Variants in DNAH6 observed in about 807,000 individuals in gnomAD.
DNAH6 encodes the protein axonemal beta dynein heavy chain 6.
A neutral mutation model predicts 491.4 loss-of-function variants in DNAH6; 340 were observed. The observed-to-expected ratio is 0.69, with a 90% confidence interval of 0.63 to 0.76. The LOEUF is 0.76. Among genes scored for constraint, DNAH6 ranks in the 30% least tolerant of loss-of-function variants. The probability of loss-of-function intolerance (pLI) is 0.00; values close to 1 mark genes in which losing one functional copy is unlikely to be tolerated. For synonymous variants in DNAH6, 1,603 were observed against 1,686.1 expected (o/e 0.95, Z 1.21); for missense variants, 4,443 against 4,972.2 (o/e 0.89, Z 3.20).
intron 9 of DNAH6, 71 bp from the exon 10 acceptor site, chr2:84,552,847 C>T: frequency 1.3e-6 from 1 of 772,582 alleles, no homozygotes; most frequent in Non-Finnish European, 2.0e-6. Flanking sequence ...TTTACATGTC[C>T]CTTGTTTTTT....
At chr2:84,636,100 G>A (rs894982297) in intron 30 of DNAH6, among the ~76,000 whole-genome samples, 2 of 151,914 alleles carry the variant, frequency 1.3e-5, no homozygotes, top group Non-Finnish European at 2.9e-5. Context: ...TTCCTTACTG[G>A]TCTCCCTGTC....
chr2:84,793,159 C>A (rs977945877), intron 68 of DNAH6, among the ~76,000 whole-genome samples: 1 of 152,094 alleles, frequency 6.6e-6, no homozygotes, highest in Non-Finnish European at 1.5e-5. Context: ...TGGGGCCAGA[C>A]CAGGCAGTGG....
chr2:84,693,945 C>T (rs531333562), intron 45 of DNAH6, among the ~76,000 whole-genome samples: 2 of 152,238 alleles, frequency 1.3e-5, no homozygotes, highest in East Asian at 1.9e-4. Context: ...TGGCCTAGAT[C>T]GGCTAGGGTC....
chr2:84,755,193 G>A (rs1228481269), intron 63 of DNAH6, among the ~76,000 whole-genome samples: 1 of 152,204 alleles, frequency 6.6e-6, no homozygotes, highest in East Asian at 1.9e-4. Flanking sequence ...TAATGTCATT[G>A]TCATATGAGT....
chr2:84,470,864 G>A, the DNAH6 span, among the ~76,000 whole-genome samples: 3 of 152,124 alleles, frequency 2.0e-5, no homozygotes, highest in Non-Finnish European at 4.4e-5. Context: ...GGACCAGGGG[G>A]CCATCGCAAT....
Position 84,704,132 on chromosome 2 carries a change from A to G in DNAH6, c.8295A>G (p.Ile2765Met). 6.4e-7 allele frequency: 1 copy of G among 1,551,908 alleles called. No individual in the cohort carries two copies. Among genetic ancestry groups the G allele is most frequent in the Non-Finnish European group, 8.7e-7 (1 of 1,147,032 alleles). Residue 2765 changes from isoleucine to methionine, a missense_variant, in exon 51 of 77, where the codon ATA (isoleucine) becomes ATG (methionine). By Grantham distance (10) the Ile-to-Met change is conservative. Around this residue, in one of 3 missense-constraint regions of DNAH6, gnomAD observed 3 missense variants for 19.0 expected, o/e 0.16. Transcript: ENST00000389394. Reference sequence around the variant, plus strand: ...TCAAAGCTGAAGAAACCCAAGCAATAGCTGATGATGCTCAAAGAGATCTTG... The same window carrying G: ...TCAAAGCTGAAGAAACCCAAGCAATGGCTGATGATGCTCAAAGAGATCTTG... Reference protein sequence around the residue: ...AKVKAEETQAIADDAQRDLDE... With the variant: ...AKVKAEETQAMADDAQRDLDE...
At chr2:84,745,753 A>G (rs1185958471) in intron 63 of DNAH6, among the ~76,000 whole-genome samples, 1 of 151,862 alleles carries the variant, frequency 6.6e-6, no homozygotes, top group Non-Finnish European at 1.5e-5. Context: ...AGAGCCAGCC[A>G]GGGCCATGGT....
At chr2:84,598,127 T>TTTCC (rs1196472640) in intron 18 of DNAH6, among the ~76,000 whole-genome samples, 2 of 109,314 alleles carry the variant, frequency 1.8e-5, no homozygotes, top group Admixed American at 1.0e-4. Context: ...TCTATCTTTC[T>TTTCC]TTTCTTTCTT....
At chr2:84,617,708 A>G (rs972937580) in intron 23 of DNAH6, among the ~76,000 whole-genome samples, 6 of 151,956 alleles carry the variant, frequency 3.9e-5, no homozygotes, top group East Asian at 3.9e-4. Flanking sequence ...GTGTGTGTGT[A>G]TATGTGCACA....
chr2:84,750,035 A>G (rs1673314917), intron 63 of DNAH6, among the ~76,000 whole-genome samples: 1 of 152,190 alleles, frequency 6.6e-6, no homozygotes, highest in South Asian at 2.1e-4. Context: ...AATATACACA[A>G]TAACATACCA....
At chr2:84,613,320 A>G (rs190162651) in intron 22 of DNAH6, among the ~76,000 whole-genome samples, 141 of 152,278 alleles carry the variant, frequency 9.3e-4, no homozygotes, top group Non-Finnish European at 1.3e-3. Flanking sequence ...CACATGCCCA[A>G]TTGTTTGCAA....
At chr2:84,706,196 A>G (rs1291435815) in intron 52 of DNAH6, among the ~76,000 whole-genome samples, 4 of 152,212 alleles carry the variant, frequency 2.6e-5, no homozygotes, top group Admixed American at 2.6e-4. Context: ...GTGGCTATAG[A>G]GCAGGGGTTG....
chr2:84,678,196 C>T (rs1693443713), intron 41 of DNAH6, among the ~76,000 whole-genome samples: 1 of 152,026 alleles, frequency 6.6e-6, no homozygotes, highest in Non-Finnish European at 1.5e-5. Flanking sequence ...GGAGCTAATG[C>T]CAAAATGGTA....
At chr2:84,562,868 G>A (rs1481082353) in intron 11 of DNAH6, among the ~76,000 whole-genome samples, 1 of 152,090 alleles carries the variant, frequency 6.6e-6, no homozygotes, top group Non-Finnish European at 1.5e-5. Flanking sequence ...ATTTTCCTTT[G>A]GGTATTGATA....
intron 62 of DNAH6, among the ~76,000 whole-genome samples, chr2:84,738,518 G>A (rs902993815): frequency 1.3e-5 from 2 of 151,968 alleles, no homozygotes; most frequent in Admixed American, 1.3e-4. Context: ...TATAAGTCTG[G>A]GTACTCCAAT....
chr2:84,531,225 G>C (rs904905016), intron 4 of DNAH6, among the ~76,000 whole-genome samples: 1 of 152,046 alleles, frequency 6.6e-6, no homozygotes, highest in Non-Finnish European at 1.5e-5. Flanking sequence ...TGAGCACAGG[G>C]GTCACTTTGA....
chr2:84,674,138 G>A (rs1573443524), intron 40 of DNAH6, among the ~76,000 whole-genome samples: 1 of 152,146 alleles, frequency 6.6e-6, no homozygotes, highest in African/African-American at 2.4e-5. Flanking sequence ...ACTATTCTAA[G>A]GATTTCCCAC....
the DNAH6 span, among the ~76,000 whole-genome samples, chr2:84,468,630 A>T: frequency 6.6e-6 from 1 of 152,334 alleles, no homozygotes; most frequent in Non-Finnish European, 1.5e-5. Context: ...GCATATATTA[A>T]ATCAGAGATT....
chr2:84,522,848 C>G (rs1207797031), intron 2 of DNAH6, among the ~76,000 whole-genome samples: 1 of 151,892 alleles, frequency 6.6e-6, no homozygotes, highest in Non-Finnish European at 1.5e-5. Flanking sequence ...TTTTTATGTG[C>G]TTCTGGATTC....
Sources: allele counts gnomAD v4.1 joint callset (sites outside exome capture counted in the v4.1 genomes callset), GRCh38; gene constraint gnomAD v4.1.1; regional missense constraint gnomAD v4.1.1; transcripts MANE v1.5; gene names NCBI Gene and HGNC (gene_info 2026-07-23, HGNC 2026-07-21).